Variants in DMXL1 observed in about 807,000 individuals in gnomAD.
DMXL1 encodes Dmx like 1, also known as dmX-like protein 1.
A neutral mutation model predicts 319.2 loss-of-function variants in DMXL1; 99 were observed. The observed-to-expected ratio is 0.31, with a 90% CI of 0.26 to 0.37. The LOEUF is 0.37. Among genes scored for constraint, DMXL1 ranks in the 10% least tolerant of loss-of-function variants. DMXL1 has a pLI of 1.00. For missense variants in DMXL1, 3,745 were observed against 3,595.6 expected (o/e 1.04, Z -1.06); for synonymous variants, 1,385 against 1,235.2 (o/e 1.12, Z -2.54).
At chr5:119,197,169 A>G (rs1330426870) in intron 31 of DMXL1, among the ~76,000 whole-genome samples, 1 of 152,170 alleles carries the variant, frequency 6.6e-6, no homozygotes, top group Non-Finnish European at 1.5e-5. Flanking sequence ...CATTTTCTAC[A>G]GATCTTAAAG....
chr5:119,147,008 A>G (rs760268504), intron 16 of DMXL1, 52 bp downstream of exon 16: 9 of 1,577,708 alleles, frequency 5.7e-6, no homozygotes, highest in Non-Finnish European at 7.8e-6. Context: ...TAAGTTAACA[A>G]ATTACACAAA....
intron 10 of DMXL1, among the ~76,000 whole-genome samples, chr5:119,130,295 G>T (rs556762312): frequency 2.8e-4 from 43 of 151,688 alleles, no homozygotes; most frequent in African/African-American, 9.7e-4. Flanking sequence ...TGTACTGTGG[G>T]TGTGCATTTT....
rs1769519446 is a variant in DMXL1, at chr5:119,150,451, TTTAC to T, written c.4594+37_4594+40del. 5 of 1,547,762 alleles carry T rather than the reference TTTAC, an allele frequency of 3.2e-6. No individual in the cohort carries two copies. In the African/African-American group the frequency reaches 5.6e-5, roughly 17 times the overall value. Reference sequence around the variant, plus strand: ...AACTAAACTCCGTACTGATAACATTTTTACTTACTTTCACAGAAAATAATTTTAA... The same window carrying T: ...AACTAAACTCCGTACTGATAACATTTTTACTTTCACAGAAAATAATTTTAA... On this transcript the variant is annotated intron_variant, in intron 18 of 43. Coordinates refer to ENST00000539542, the MANE Select transcript of DMXL1 (RefSeq NM_001290321.3).
Position 119,149,047 on chromosome 5 carries a change from T to A in DMXL1, c.3220T>A (p.Phe1074Ile), listed in dbSNP as rs145963518. 3.1e-6 allele frequency: 5 copies of A among 1,613,974 alleles called. No homozygotes were observed. Among genetic ancestry groups the A allele is most frequent in the Middle Eastern group, 1.7e-4 (1 of 6,060 alleles). The change falls in exon 18 of 44, where the codon TTT becomes ATT. Residue 1074 changes from phenylalanine (F) to isoleucine (I), a missense_variant. Transcript: ENST00000539542. ...ATCTAATAGTAGATCTTCCCAGGAC[T>A]TTGTGATGCATGTAAGTATTTTTGA... ...PASNSRSSQDFVMHVSIFECE... is the reference protein window; with the variant it reads ...PASNSRSSQDIVMHVSIFECE...
chr5:119,137,346 C>G (rs572097059), intron 13 of DMXL1, among the ~76,000 whole-genome samples: 1 of 152,200 alleles, frequency 6.6e-6, no homozygotes, highest in Non-Finnish European at 1.5e-5. Context: ...TTTACAGGCT[C>G]ATAGGCAGAA....
intron 38 of DMXL1, among the ~76,000 whole-genome samples, chr5:119,225,814 A>G (rs561577851): frequency 6.6e-6 from 1 of 152,198 alleles, no homozygotes; most frequent in Non-Finnish European, 1.5e-5. Flanking sequence ...ATTCATCGCT[A>G]GAAGTGTGTA....
intron 35 of DMXL1, among the ~76,000 whole-genome samples, chr5:119,218,328 G>T (rs1784047742): frequency 6.6e-6 from 1 of 152,142 alleles, no homozygotes. Flanking sequence ...TTATATATAA[G>T]TACTGGTAAT....
At chr5:119,233,710 C>T (rs1333974404) in intron 39 of DMXL1, among the ~76,000 whole-genome samples, 1 of 152,074 alleles carries the variant, frequency 6.6e-6, no homozygotes, top group Non-Finnish European at 1.5e-5. Context: ...ATAAGTTCAC[C>T]TTATATTACA....
intron 1 of DMXL1, among the ~76,000 whole-genome samples, chr5:119,072,720 T>C (rs1561516326): frequency 6.6e-6 from 1 of 152,218 alleles, no homozygotes; most frequent in Non-Finnish European, 1.5e-5. Context: ...ATTTAATGCC[T>C]GAATTGTACT....
chr5:119,092,256 G>A (rs1580649636), intron 1 of DMXL1, among the ~76,000 whole-genome samples: 1 of 151,338 alleles, frequency 6.6e-6, no homozygotes, highest in Non-Finnish European at 1.5e-5. Flanking sequence ...TATTTGTTTT[G>A]GGTTTTCTTT....
rs148336561 is a variant in DMXL1, at chr5:119,206,344, T to G, written c.7864-490T>G. Among the ~76,000 whole-genome samples the G allele has an allele frequency of 5.7e-3, 864 of 152,190 alleles. 9 individuals are homozygous for G. Among genetic ancestry groups the G allele is most frequent in the African/African-American group, 0.02 (830 of 41,536 alleles). On this transcript the variant is annotated intron_variant, in intron 33 of 43. Transcript: ENST00000539542. ...AAGAAGTGTATGTGCTTCCCAGCAA[T>G]TTATTGACTATTTCTGGCTTCATCA... is the stretch of plus-strand genomic sequence containing the variant.
At chr5:119,120,757 C>G (rs1761866942) in intron 8 of DMXL1, among the ~76,000 whole-genome samples, 4 of 152,144 alleles carry the variant, frequency 2.6e-5, no homozygotes, top group Admixed American at 2.6e-4. Context: ...CAGCCAGGTA[C>G]TTTAAGTCAT....
At chr5:119,189,016 T>C (rs1010068543) in intron 28 of DMXL1, among the ~76,000 whole-genome samples, 1 of 152,238 alleles carries the variant, frequency 6.6e-6, no homozygotes, top group African/African-American at 2.4e-5. Flanking sequence ...ACTGATGATT[T>C]GCATTTTGTA....
At chr5:119,075,735 A>C (rs1561522872) in intron 1 of DMXL1, among the ~76,000 whole-genome samples, 1 of 151,002 alleles carries the variant, frequency 6.6e-6, no homozygotes, top group Non-Finnish European at 1.5e-5. Context: ...TAAAAAAAAA[A>C]CAAAAAAAAA....
At chr5:119,198,758 G>A (rs955262277) in intron 32 of DMXL1, among the ~76,000 whole-genome samples, 1 of 152,112 alleles carries the variant, frequency 6.6e-6, no homozygotes, top group African/African-American at 2.4e-5. Context: ...AAACAGCATG[G>A]TACTGGTACA....
At chr5:119,237,079 A>G (rs1280037939) in intron 39 of DMXL1, 2 of 247,200 alleles carry the variant, frequency 8.1e-6, no homozygotes, top group African/African-American at 4.5e-5. Flanking sequence ...TATATAGACT[A>G]TGCTAGAGGC....
chr5:119,173,491 T>C lies in DMXL1; in HGVS notation c.6681+1522T>C, dbSNP rs56176115. On this transcript the variant is annotated intron_variant, in intron 25 of 43. Coordinates refer to ENST00000539542, the MANE Select transcript of DMXL1 (RefSeq NM_001290321.3). ...ATGTCTGGACTCTCTCATTCATCTTTGGTCAACTGGTGGGTTAGTCAGGTT... is the reference window on the plus strand; with the variant it reads ...ATGTCTGGACTCTCTCATTCATCTTCGGTCAACTGGTGGGTTAGTCAGGTT... Among the ~76,000 whole-genome samples, 330 of 152,000 alleles carry C rather than the reference T, an allele frequency of 2.2e-3. 2 individuals carry two copies. Among genetic ancestry groups the C allele is most frequent in the Non-Finnish European group, 3.0e-3 (207 of 67,980 alleles).
At position 119,199,137 on chromosome 5, in the gene DMXL1, C is replaced by T. The variant is rs78260425; in HGVS notation, c.7745+1181C>T. Among the ~76,000 whole-genome samples, 979 of 152,270 alleles carry T rather than the reference C, an allele frequency of 6.4e-3. 14 individuals carry two copies. The highest frequency in any genetic ancestry group is 0.01 in the Non-Finnish European group (712 of 68,022). On this transcript the variant is annotated intron_variant, in intron 32 of 43. Coordinates refer to ENST00000539542, the MANE Select transcript of DMXL1 (RefSeq NM_001290321.3). ...TCCTGTGCTCAAGCAGTCCGCCTGT[C>T]ACAGCCCCCCAAAGTGCTGGGATTT...
At chr5:119,203,539 C>T (rs1045277362) in intron 33 of DMXL1, 103 bp downstream of exon 33, 6 of 572,442 alleles carry the variant, frequency 1.0e-5, no homozygotes, top group Middle Eastern at 3.4e-4. Flanking sequence ...TTTGAAAACA[C>T]GTATCATAAA....
Sources: gnomAD v4.1 joint callset for allele counts (sites outside exome capture counted in the v4.1 genomes callset) on GRCh38, gnomAD v4.1.1 for gene constraint, MANE v1.5 for transcripts, NCBI Gene and HGNC (gene_info 2026-07-23, HGNC 2026-07-21) for gene names.